The following HHAT variants were observed in gnomAD, a reference collection of about 807,000 sequenced individuals.
The protein encoded by HHAT is protein-cysteine N-palmitoyltransferase HHAT.
In HHAT, 47 loss-of-function variants were observed where a neutral mutation model predicts 70.8. The ratio of observed to expected loss-of-function variants is 0.66; its 90% CI spans 0.53 to 0.85. The LOEUF is 0.85. Among genes scored for constraint, HHAT ranks in the 40% least tolerant of loss-of-function variants. The probability of loss-of-function intolerance (pLI) is 0.00; values close to 1 mark genes in which losing one functional copy is unlikely to be tolerated. For missense variants in HHAT, 609 were observed against 604.8 expected, an observed-to-expected ratio of 1.01 and a Z score of -0.07; for synonymous variants, 228 against 247.6, an observed-to-expected ratio of 0.92 and a Z score of 0.74.
chr1:210,608,248 A>G (rs1665913240), intron 10 of HHAT, among the ~76,000 whole-genome samples: 1 of 152,186 alleles, frequency 6.6e-6, no homozygotes, highest in African/African-American at 2.4e-5. Context: ...CATGAGCCAG[A>G]TTTGGTCAAC....
intron 7 of HHAT, among the ~76,000 whole-genome samples, chr1:210,437,870 T>G (rs1469378201): frequency 1.3e-5 from 2 of 151,958 alleles, no homozygotes; most frequent in Admixed American, 6.5e-5. Context: ...CAGTTTTAGA[T>G]TCTTACAGAC....
intron 8 of HHAT, among the ~76,000 whole-genome samples, chr1:210,501,846 T>G (rs971646802): frequency 6.6e-6 from 1 of 152,128 alleles, no homozygotes; most frequent in African/African-American, 2.4e-5. Flanking sequence ...AACACTGCCT[T>G]GCTTCATCCG....
chr1:210,552,334 G>A (rs941695570), intron 9 of HHAT, among the ~76,000 whole-genome samples: 1 of 152,164 alleles, frequency 6.6e-6, no homozygotes, highest in African/African-American at 2.4e-5. Context: ...TTAAAATGTA[G>A]GTAACTTACA....
chr1:210,384,028 G>A (rs74577388), intron 3 of HHAT, among the ~76,000 whole-genome samples: 5,590 of 152,194 alleles, frequency 0.037, 348 homozygotes, highest in African/African-American at 0.13. Context: ...TCCTCATGGT[G>A]CCTAGAGCAG....
chr1:210,455,129 A>T (rs184886600), intron 7 of HHAT, among the ~76,000 whole-genome samples: 22 of 152,256 alleles, frequency 1.4e-4, no homozygotes, highest in Admixed American at 4.6e-4. Flanking sequence ...CTTGACCGAG[A>T]CCACCTCTGG....
intron 10 of HHAT, among the ~76,000 whole-genome samples, chr1:210,601,219 TG>T (rs1664191061): frequency 6.6e-6 from 1 of 152,232 alleles, no homozygotes; most frequent in Non-Finnish European, 1.5e-5. Context: ...TTAAAAGTAT[TG>T]TTGATTGTAA....
At chr1:210,555,916 T>C (rs544410931) in intron 9 of HHAT, among the ~76,000 whole-genome samples, 1 of 152,284 alleles carries the variant, frequency 6.6e-6, no homozygotes. Context: ...TGGAATTTCT[T>C]CCTACCAATA....
At chr1:210,651,909 G>T (rs767125701) in intron 11 of HHAT, among the ~76,000 whole-genome samples, 9 of 152,352 alleles carry the variant, frequency 5.9e-5, no homozygotes, top group Admixed American at 1.3e-4. Flanking sequence ...GGAGCTGGAG[G>T]TGGGGGCCCA....
chr1:210,411,145 G>A (rs375117898), intron 6 of HHAT, among the ~76,000 whole-genome samples: 1 of 152,174 alleles, frequency 6.6e-6, no homozygotes, highest in East Asian at 1.9e-4. Flanking sequence ...AGAGGTGATT[G>A]GGTGTCAGCG....
intron 8 of HHAT, among the ~76,000 whole-genome samples, chr1:210,504,464 G>C (rs1028555184): frequency 6.6e-6 from 1 of 152,214 alleles, no homozygotes; most frequent in Non-Finnish European, 1.5e-5. Context: ...GTCAAATGCT[G>C]TTACGTGGTA....
intron 11 of HHAT, among the ~76,000 whole-genome samples, chr1:210,627,546 C>G (rs985849314): frequency 6.6e-6 from 1 of 151,942 alleles, no homozygotes; most frequent in South Asian, 2.1e-4. Flanking sequence ...CTGTTGTGCC[C>G]CTGCCCTGCT....
At chr1:210,451,188 A>T (rs1014497724) in intron 7 of HHAT, among the ~76,000 whole-genome samples, 4 of 150,552 alleles carry the variant, frequency 2.7e-5, no homozygotes, top group African/African-American at 9.8e-5. Context: ...TCTGGTAGGG[A>T]GTATTAGATT....
chr1:210,623,506 T>G lies in HHAT; in HGVS notation c.1246-20T>G. Reference sequence around the variant, plus strand: ...TTTCCACCCTTGTCATGAGATGCTTTCTTGCCATTTTTCCCGTAGGCCCGA... The same window carrying G: ...TTTCCACCCTTGTCATGAGATGCTTGCTTGCCATTTTTCCCGTAGGCCCGA... On this transcript the variant is annotated intron_variant, in intron 10 of 11. Transcript: ENST00000261458. 1 of 1,613,694 alleles carries G rather than the reference T, an allele frequency of 6.2e-7. No homozygotes were observed. The highest frequency in any genetic ancestry group is 8.5e-7 in the Non-Finnish European group (1 of 1,179,874).
chr1:210,363,984 G>A, intron 3 of HHAT, among the ~76,000 whole-genome samples: 1 of 152,126 alleles, frequency 6.6e-6, no homozygotes, highest in East Asian at 1.9e-4. Flanking sequence ...TGCTTGAATT[G>A]TAACAAATGT....
intron 7 of HHAT, among the ~76,000 whole-genome samples, chr1:210,455,597 G>A (rs1031326127): frequency 2.6e-5 from 4 of 151,972 alleles, no homozygotes; most frequent in Non-Finnish European, 4.4e-5. Flanking sequence ...TTCAAGTTCC[G>A]ACCCTGCCAC....
At chr1:210,426,401 G>A (rs1228631793) in intron 7 of HHAT, among the ~76,000 whole-genome samples, 2 of 152,172 alleles carry the variant, frequency 1.3e-5, no homozygotes, top group Non-Finnish European at 2.9e-5. Flanking sequence ...GTAAGAGAGG[G>A]CATCCTTATC....
chr1:210,388,124 G>A (rs903751082), intron 4 of HHAT, among the ~76,000 whole-genome samples: 1 of 152,184 alleles, frequency 6.6e-6, no homozygotes, highest in Non-Finnish European at 1.5e-5. Context: ...TAGCTACCAA[G>A]GGACCTGATA....
At chr1:210,565,326 T>A (rs1654439071) in intron 9 of HHAT, among the ~76,000 whole-genome samples, 1 of 152,188 alleles carries the variant, frequency 6.6e-6, no homozygotes, top group South Asian at 2.1e-4. Flanking sequence ...GAAACAAATG[T>A]CACCACAGGC....
chr1:210,472,406 G>A (rs1261185938), intron 8 of HHAT, among the ~76,000 whole-genome samples: 1 of 152,170 alleles, frequency 6.6e-6, no homozygotes, highest in African/African-American at 2.4e-5. Context: ...CAAGCACATG[G>A]CTCTTGAGTC....
Sources: gnomAD v4.1 joint callset for allele counts (sites outside exome capture counted in the v4.1 genomes callset) on GRCh38, gnomAD v4.1.1 for gene constraint, MANE v1.5 for transcripts, NCBI Gene and HGNC (gene_info 2026-07-23, HGNC 2026-07-21) for gene names.